The following NNT variants were observed in gnomAD, a reference collection of about 807,000 sequenced individuals.
NNT encodes the protein NAD(P) transhydrogenase, mitochondrial.
Under a neutral mutation model 104.8 loss-of-function variants are expected in NNT, and 50 were observed. The ratio of observed to expected loss-of-function variants is 0.48; its 90% CI spans 0.38 to 0.60. The LOEUF (loss-of-function observed/expected upper bound fraction) is 0.60. Among genes scored for constraint, NNT ranks in the 20% least tolerant of loss-of-function variants. The pLI, the probability that NNT is intolerant of heterozygous loss-of-function variation, is 0.00. For missense variants in NNT, 1,131 were observed against 1,330.7 expected, an observed-to-expected ratio of 0.85 and a Z score of 2.33; for synonymous variants, 461 against 490.4, an observed-to-expected ratio of 0.94 and a Z score of 0.79.
chr5:43,643,242 C>T (rs996331418), intron 7 of NNT, among the ~76,000 whole-genome samples: 2 of 152,196 alleles, frequency 1.3e-5, no homozygotes, highest in East Asian at 3.9e-4. Context: ...ATACTACTAA[C>T]ATTACAAGTT....
In NNT at chr5:43,608,742, T is replaced by C. The variant is rs181596558; in HGVS notation, c.-53-401T>C. Among the ~76,000 whole-genome samples the C allele has an allele frequency of 3.5e-4, 53 of 152,340 alleles. 1 individual carries two copies. The highest frequency in any genetic ancestry group is 1.2e-3 in the African/African-American group (51 of 41,572). ...AGGTAATTTAAGGGAAATTCAAAGG[T>C]AACTGAATTACATGCACTTTTTGCT... On this transcript the variant is annotated intron_variant, in intron 1 of 21. Transcript: ENST00000344920.
At chr5:43,637,292 T>G (rs974306778) in intron 7 of NNT, among the ~76,000 whole-genome samples, 6 of 152,186 alleles carry the variant, frequency 3.9e-5, no homozygotes, top group South Asian at 4.1e-4. Flanking sequence ...TCTTGCCATA[T>G]TCTATATTTT....
At chr5:43,688,887 C>G (rs1742118475) in intron 19 of NNT, among the ~76,000 whole-genome samples, 1 of 152,126 alleles carries the variant, frequency 6.6e-6, no homozygotes, top group Non-Finnish European at 1.5e-5. Flanking sequence ...ATAATGAATT[C>G]TTTTCCTCTG....
intron 6 of NNT, 114 bp downstream of exon 6, chr5:43,624,234 C>T: frequency 1.2e-6 from 1 of 852,034 alleles, no homozygotes. Context: ...GGTCTATAAG[C>T]TCTTTCCATT....
chr5:43,666,091 C>T (rs1190666923), intron 17 of NNT, among the ~76,000 whole-genome samples: 2 of 151,246 alleles, frequency 1.3e-5, no homozygotes, highest in African/African-American at 4.9e-5. Context: ...CGGGAAGAGG[C>T]GCTCCTCACT....
At chr5:43,697,625 G>C (rs1403967916) in intron 19 of NNT, among the ~76,000 whole-genome samples, 2 of 152,146 alleles carry the variant, frequency 1.3e-5, no homozygotes, top group Non-Finnish European at 2.9e-5. Flanking sequence ...ATTTATAAAA[G>C]AAGGAGGTTT....
intron 1 of NNT, 47 bp from the exon 2 acceptor site, chr5:43,609,096 A>G: frequency 1.2e-6 from 1 of 866,792 alleles, no homozygotes; most frequent in Non-Finnish European, 1.8e-6. Context: ...TAAAAGACAA[A>G]TAGTTTTTTT....
intron 1 of NNT, among the ~76,000 whole-genome samples, chr5:43,605,181 A>C (rs1336030128): frequency 6.6e-6 from 1 of 152,328 alleles, no homozygotes; most frequent in African/African-American, 2.4e-5. Context: ...AATAACCCAT[A>C]TAAGTTACAT....
intron 10 of NNT, 143 bp downstream of exon 10, chr5:43,645,653 ATCTCTC>A (rs372296149): frequency 0.12 from 8,280 of 68,212 alleles, 919 homozygotes; most frequent in Non-Finnish European, 0.16. Context: ...CTATCTATCT[ATCTCTC>A]TCTCTCTCTC....
chr5:43,659,593 G>A (rs1208574965), intron 17 of NNT, among the ~76,000 whole-genome samples: 2 of 152,136 alleles, frequency 1.3e-5, no homozygotes, highest in African/African-American at 2.4e-5. Context: ...GCCAGGCGTG[G>A]TGGTGGGTGC....
upstream of NNT, chr5:43,603,091 G>A (rs531824492): frequency 6.5e-6 from 1 of 152,966 alleles, no homozygotes; most frequent in East Asian, 1.9e-4. Context: ...AGGGGGCCTG[G>A]CGGGAAGAAA....
chr5:43,627,723 A>G (rs1232652886), intron 6 of NNT, among the ~76,000 whole-genome samples: 1 of 152,128 alleles, frequency 6.6e-6, no homozygotes, highest in African/African-American at 2.4e-5. Flanking sequence ...TTTAATAAGG[A>G]CTGGTTGGGG....
intron 18 of NNT, among the ~76,000 whole-genome samples, chr5:43,677,428 C>A (rs543722601): frequency 1.4e-5 from 2 of 145,452 alleles, no homozygotes; most frequent in East Asian, 4.2e-4. Context: ...GAGAGAGAGA[C>A]AGAGACAGAG....
At chr5:43,700,872 G>T (rs1056400832) in intron 20 of NNT, among the ~76,000 whole-genome samples, 1 of 152,176 alleles carries the variant, frequency 6.6e-6, no homozygotes, top group African/African-American at 2.4e-5. Context: ...ATTAGAAAAA[G>T]TATTGAAATT....
chr5:43,659,194 T>A lies in NNT; in HGVS notation c.2478T>A (p.Ile826=). Reference sequence around the variant, plus strand: ...AGGGTGTGACTTTGACAGCTGCTATTGGGGGTGCTGACATGCCCGTCGTTA... The same window carrying A: ...AGGGTGTGACTTTGACAGCTGCTATAGGGGGTGCTGACATGCCCGTCGTTA... The part of the protein sequence containing the change: ...AVMGVTLTAA[I]GGADMPVVIT... The change falls in exon 17 of 22, where the codon ATT becomes ATA. Residue 826 remains isoleucine (I), a synonymous_variant. Transcript: ENST00000344920. 1 of 1,611,582 alleles carries A rather than the reference T, an allele frequency of 6.2e-7. No homozygotes were observed. Among genetic ancestry groups the A allele is most frequent in the South Asian group, 1.1e-5 (1 of 90,594 alleles).
chr5:43,666,320 C>G (rs192938047), intron 17 of NNT, among the ~76,000 whole-genome samples: 2 of 152,072 alleles, frequency 1.3e-5, no homozygotes, highest in African/African-American at 4.8e-5. Context: ...ACTGAGTGAG[C>G]GAGACTCCGT....
intron 2 of NNT, among the ~76,000 whole-genome samples, chr5:43,610,787 G>A (rs1749461643): frequency 6.6e-6 from 1 of 152,168 alleles, no homozygotes. Flanking sequence ...ATAAAATTGT[G>A]TATAAAATAA....
chr5:43,645,483 A>G lies in NNT; in HGVS notation c.1417A>G (p.Met473Val). 2.6e-6 allele frequency: 4 copies of G among 1,565,678 alleles called. No individual in the cohort carries two copies. Among genetic ancestry groups the G allele is most frequent in the Non-Finnish European group, 3.5e-6 (4 of 1,154,706 alleles). Residue 473 changes from methionine (M) to valine (V), a missense_variant, in exon 10 of 22, where the codon ATG (methionine) becomes GTG (valine). Transcript: ENST00000344920. ...AATITPFRKT[M>V]STASAYTAGL... ...TACCATTACACCCTTCAGGAAGACA[A>G]TGTCAACGGCTTCTGCATATACAGC...
At chr5:43,619,460 T>G (rs966257782) in intron 5 of NNT, among the ~76,000 whole-genome samples, 5 of 152,208 alleles carry the variant, frequency 3.3e-5, no homozygotes, top group Non-Finnish European at 7.3e-5. Context: ...GTTTCTCAAT[T>G]TTTGCAACAT....
Sources: allele counts gnomAD v4.1 joint callset (sites outside exome capture counted in the v4.1 genomes callset), GRCh38; gene constraint gnomAD v4.1.1; transcripts MANE v1.5; gene names NCBI Gene and HGNC (gene_info 2026-07-23, HGNC 2026-07-21).